The following EPHA6 variants were observed in gnomAD, a reference collection of about 807,000 sequenced individuals.
The protein encoded by EPHA6 is ephrin type-A receptor 6.
A neutral mutation model predicts 112.0 loss-of-function variants in EPHA6; 50 were observed. That is an observed-to-expected ratio of 0.45 (90% CI 0.36 to 0.56). The LOEUF is 0.56. Among genes scored for constraint, EPHA6 ranks in the 20% least tolerant of loss-of-function variants. The pLI, the probability that EPHA6 is intolerant of heterozygous loss-of-function variation, is 0.00. For missense variants in EPHA6, 1,280 were observed against 1,417.4 expected, an observed-to-expected ratio of 0.90 and a Z score of 1.56; for synonymous variants, 529 against 490.7, an observed-to-expected ratio of 1.08 and a Z score of -1.03.
At chr3:97,290,349 C>T (rs1490538505) in intron 5 of EPHA6, among the ~76,000 whole-genome samples, 7 of 151,940 alleles carry the variant, frequency 4.6e-5, no homozygotes, top group South Asian at 2.1e-4. Flanking sequence ...CACTGATTTG[C>T]GTCTAAGTAT....
intron 3 of EPHA6, among the ~76,000 whole-genome samples, chr3:97,134,615 T>C (rs2075723965): frequency 1.3e-5 from 2 of 152,158 alleles, no homozygotes; most frequent in South Asian, 4.1e-4. Flanking sequence ...TAAATAATAC[T>C]ATTATGCTTA....
At chr3:97,084,997 A>C (rs2046848724) in intron 3 of EPHA6, among the ~76,000 whole-genome samples, 1 of 152,182 alleles carries the variant, frequency 6.6e-6, no homozygotes, top group African/African-American at 2.4e-5. Context: ...ACACAGAAAT[A>C]CTTTCAGTAC....
intron 9 of EPHA6, chr3:97,481,527 A>T: frequency 3.4e-6 from 3 of 880,478 alleles, no homozygotes; most frequent in Non-Finnish European, 5.6e-6. Context: ...GGCTAAGTGC[A>T]GGCCCGGGGG....
intron 3 of EPHA6, among the ~76,000 whole-genome samples, chr3:97,046,327 C>T (rs1232126429): frequency 6.6e-6 from 1 of 152,068 alleles, no homozygotes; most frequent in African/African-American, 2.4e-5. Flanking sequence ...GAAATATGAT[C>T]ATTTCAATAG....
chr3:97,227,182 A>G (rs2078383604), intron 4 of EPHA6, among the ~76,000 whole-genome samples: 1 of 152,160 alleles, frequency 6.6e-6, no homozygotes, highest in Non-Finnish European at 1.5e-5. Flanking sequence ...ACATAAAAAC[A>G]AAAAACACAA....
intron 2 of EPHA6, among the ~76,000 whole-genome samples, chr3:96,919,010 A>G (rs1262602621): frequency 1.3e-5 from 2 of 152,024 alleles, no homozygotes; most frequent in East Asian, 1.9e-4. Flanking sequence ...TGAGTATTTT[A>G]TAGTTAAGCA....
intron 3 of EPHA6, among the ~76,000 whole-genome samples, chr3:97,096,944 G>A (rs567607721): frequency 4.0e-5 from 6 of 151,686 alleles, no homozygotes; most frequent in African/African-American, 1.2e-4. Flanking sequence ...ATCTCCTAAT[G>A]TTTCCTCCAT....
intron 15 of EPHA6, among the ~76,000 whole-genome samples, chr3:97,721,582 C>T (rs115441526): frequency 6.6e-6 from 1 of 152,310 alleles, no homozygotes; most frequent in Non-Finnish European, 1.5e-5. Context: ...TTCTCCAAAG[C>T]ACAACATCAA....
chr3:97,204,515 A>G (rs1397795391), intron 3 of EPHA6, among the ~76,000 whole-genome samples: 4 of 152,126 alleles, frequency 2.6e-5, no homozygotes, highest in Non-Finnish European at 5.9e-5. Flanking sequence ...TGGATGGGCC[A>G]AGATTTGGAT....
intron 6 of EPHA6, among the ~76,000 whole-genome samples, chr3:97,433,374 A>ATT (rs545806654): frequency 2.0e-5 from 3 of 151,886 alleles, no homozygotes; most frequent in Non-Finnish European, 4.4e-5. Flanking sequence ...TTAAACCTTA[A>ATT]TTTTTTTTGG....
intron 4 of EPHA6, among the ~76,000 whole-genome samples, chr3:97,232,237 A>G (rs1317771137): frequency 6.6e-6 from 1 of 152,208 alleles, no homozygotes. Context: ...TACTGTTGTC[A>G]CAATGATTTA....
chr3:97,120,445 G>A (rs977195294), intron 3 of EPHA6, among the ~76,000 whole-genome samples: 1 of 151,422 alleles, frequency 6.6e-6, no homozygotes, highest in African/African-American at 2.4e-5. Context: ...GCATGATTAG[G>A]GAAGTACAAA....
At chr3:97,541,393 A>G (rs2107675270) in intron 11 of EPHA6, among the ~76,000 whole-genome samples, 1 of 152,336 alleles carries the variant, frequency 6.6e-6, no homozygotes, top group Admixed American at 6.5e-5. Flanking sequence ...AAACCAAAAA[A>G]TAAATATTAG....
At chr3:96,823,170 C>A (rs1344747780) in intron 1 of EPHA6, among the ~76,000 whole-genome samples, 1 of 151,466 alleles carries the variant, frequency 6.6e-6, no homozygotes, top group Non-Finnish European at 1.5e-5. Flanking sequence ...TATTGCAAAA[C>A]ATAATTGAAA....
At chr3:96,863,492 T>C (rs1340257016) in intron 1 of EPHA6, among the ~76,000 whole-genome samples, 1 of 152,026 alleles carries the variant, frequency 6.6e-6, no homozygotes, top group Non-Finnish European at 1.5e-5. Context: ...CTGTCTGAAA[T>C]GCAAATTTGG....
intron 2 of EPHA6, among the ~76,000 whole-genome samples, chr3:96,970,232 T>C (rs1374653836): frequency 6.8e-6 from 1 of 148,138 alleles, no homozygotes; most frequent in African/African-American, 2.6e-5. Flanking sequence ...CTTCTCTGCC[T>C]CTTCATACAC....
intron 2 of EPHA6, among the ~76,000 whole-genome samples, chr3:96,878,374 G>A (rs1201083199): frequency 1.3e-5 from 2 of 151,918 alleles, no homozygotes; most frequent in East Asian, 3.9e-4. Flanking sequence ...GCAAGAGAAG[G>A]AAAGAGAGGT....
chr3:97,596,709 C>T (rs1560173921), intron 12 of EPHA6, among the ~76,000 whole-genome samples: 1 of 146,788 alleles, frequency 6.8e-6, no homozygotes, highest in Non-Finnish European at 1.5e-5. Context: ...TTTTAGCTTA[C>T]TTTTTTGTCC....
chr3:97,047,078 A>G (rs1465612205), intron 3 of EPHA6, among the ~76,000 whole-genome samples: 2 of 152,040 alleles, frequency 1.3e-5, no homozygotes, highest in African/African-American at 4.8e-5. Context: ...TTCTCTTTTT[A>G]TCAACCTGGA....
Sources: gnomAD v4.1 joint callset for allele counts (sites outside exome capture counted in the v4.1 genomes callset) on GRCh38, gnomAD v4.1.1 for gene constraint, MANE v1.5 for transcripts, NCBI Gene and HGNC (gene_info 2026-07-23, HGNC 2026-07-21) for gene names.